Variants in CCDC172 observed in about 807,000 individuals in gnomAD.
CCDC172 encodes coiled-coil domain containing 172.
CCDC172 carries 30 observed loss-of-function variants against 38.0 expected under a neutral mutation model. The ratio of observed to expected loss-of-function variants is 0.79; its 90% CI spans 0.59 to 1.07. The LOEUF is 1.07. CCDC172 is among the 50% of genes least tolerant of loss of function. The probability of loss-of-function intolerance (pLI) is 0.00; values close to 1 mark genes in which losing one functional copy is unlikely to be tolerated. For missense variants in CCDC172, 297 were observed against 290.1 expected (o/e 1.02, Z -0.17); for synonymous variants, 78 against 88.3 (o/e 0.88, Z 0.66).
chr10:116,354,653 G>A (rs1390255624), intron 5 of CCDC172, among the ~76,000 whole-genome samples: 1 of 152,300 alleles, frequency 6.6e-6, no homozygotes, highest in Non-Finnish European at 1.5e-5. Flanking sequence ...TAACCCAGGA[G>A]GCGGAGGCGG....
intron 3 of CCDC172, among the ~76,000 whole-genome samples, chr10:116,333,939 G>A (rs944917766): frequency 2.0e-5 from 3 of 152,122 alleles, no homozygotes; most frequent in African/African-American, 4.8e-5. Context: ...AGAATTTCTC[G>A]TGTAGGCTTT....
In CCDC172 at chr10:116,367,839, C is replaced by T. The variant is rs185569872; in HGVS notation, c.653+9901C>T. ...CTTTCTTGTCTTCTTTCCCTTTCTC[C>T]TCTCTCTCTCCTTCTTATATCTAGG... On this transcript the variant is annotated intron_variant, in intron 7 of 8. Coordinates refer to ENST00000333254, the MANE Select transcript of CCDC172 (RefSeq NM_198515.3). Among the ~76,000 whole-genome samples the T allele has an allele frequency of 4.5e-3, 686 of 151,514 alleles. 4 individuals are homozygous for T. Among genetic ancestry groups the T allele is most frequent in the African/African-American group, 0.016 (651 of 41,248 alleles).
In CCDC172 at chr10:116,331,401, T is replaced by A. The variant is rs112436891; in HGVS notation, c.165+6013T>A. ...CATCTCTCCCTGTCTCTATGCTGTG[T>A]GATATGTACCACCTCTTGGCATATT... On this transcript the variant is annotated intron_variant, in intron 3 of 8. Transcript: ENST00000333254. Among the ~76,000 whole-genome samples the A allele has an allele frequency of 9.0e-3, 1,378 of 152,282 alleles. 12 individuals carry two copies. Among genetic ancestry groups the A allele is most frequent in the Admixed American group, 0.014 (209 of 15,290 alleles).
intron 7 of CCDC172, among the ~76,000 whole-genome samples, chr10:116,371,271 TA>T (rs1845182970): frequency 6.6e-6 from 1 of 151,900 alleles, no homozygotes. Context: ...TTTAATATTT[TA>T]AACACCCTTT....
intron 7 of CCDC172, among the ~76,000 whole-genome samples, chr10:116,374,852 C>T (rs1845226980): frequency 6.6e-6 from 1 of 150,952 alleles, no homozygotes; most frequent in Non-Finnish European, 1.5e-5. Context: ...TATATGGTTT[C>T]CACAAGAAAC....
At chr10:116,352,115 C>T (rs911253024) in intron 5 of CCDC172, among the ~76,000 whole-genome samples, 1 of 152,078 alleles carries the variant, frequency 6.6e-6, no homozygotes, top group Non-Finnish European at 1.5e-5. Context: ...CATCTTGTCA[C>T]AATAGAAATA....
intron 7 of CCDC172, among the ~76,000 whole-genome samples, chr10:116,364,092 A>G (rs190281076): frequency 2.0e-5 from 3 of 152,198 alleles, no homozygotes; most frequent in Non-Finnish European, 4.4e-5. Context: ...ATTAGAAAAC[A>G]TTAAATTAGT....
chr10:116,347,851 C>G (rs1381139045), intron 5 of CCDC172, among the ~76,000 whole-genome samples: 2 of 152,106 alleles, frequency 1.3e-5, no homozygotes, highest in Non-Finnish European at 2.9e-5. Flanking sequence ...TCTTCCCTCC[C>G]TCCCACTACA....
rs1372466741 is a variant in CCDC172 at position 116,357,855 on chromosome 10, T to C, written c.570T>C (p.Asn190=). 1 of 1,514,472 alleles carries C rather than the reference T, an allele frequency of 6.6e-7. No homozygotes were observed. The highest frequency in any genetic ancestry group is 9.0e-7 in the Non-Finnish European group (1 of 1,116,954). The allele number at this position is 1,514,472 out of a possible 1,614,324, so 93.8% of individuals were successfully genotyped here. A position where few individuals can be genotyped will look rare whatever the true frequency, so the allele number is the denominator to read the frequency against. The part of the protein sequence containing the change: ...RKLKVFEDEE[N]ESICTTKYLE... ...GTTTAGTTTTTGAAGATGAAGAGAA[T>C]GAATCCATTTGTACTACCAAATATC... The change falls in exon 7 of 9, where the codon AAT becomes AAC. Residue 190 remains asparagine (N), a synonymous_variant. Coordinates refer to ENST00000333254, the MANE Select transcript of CCDC172 (RefSeq NM_198515.3).
At chr10:116,368,843 T>C (rs12242629) in intron 7 of CCDC172, among the ~76,000 whole-genome samples, 17,647 of 152,006 alleles carry the variant, frequency 0.12, 1,587 homozygotes, top group African/African-American at 0.25. Context: ...AACTCAAATC[T>C]AAAATGACTG....
At chr10:116,332,013 C>T (rs1283482420) in intron 3 of CCDC172, among the ~76,000 whole-genome samples, 4 of 152,126 alleles carry the variant, frequency 2.6e-5, no homozygotes, top group Non-Finnish European at 5.9e-5. Flanking sequence ...ATCCATCTTT[C>T]GTAACTGGCA....
chr10:116,369,932 T>A, intron 7 of CCDC172, among the ~76,000 whole-genome samples: 1 of 151,990 alleles, frequency 6.6e-6, no homozygotes, highest in Admixed American at 6.6e-5. Context: ...TCATGTGTAG[T>A]ATATTTGCAA....
intron 5 of CCDC172, among the ~76,000 whole-genome samples, chr10:116,346,423 A>C (rs1327356969): frequency 6.6e-6 from 1 of 152,114 alleles, no homozygotes; most frequent in African/African-American, 2.4e-5. Flanking sequence ...TAATATGATG[A>C]TTAAAAGAAG....
chr10:116,335,823 C>A (rs1048351995), intron 3 of CCDC172, among the ~76,000 whole-genome samples: 8 of 151,960 alleles, frequency 5.3e-5, no homozygotes, highest in Non-Finnish European at 8.8e-5. Context: ...CTTTACTAAA[C>A]CCTTTTTTTT....
intron 1 of CCDC172, 120 bp from the exon 2 acceptor site, chr10:116,324,827 C>A: frequency 1.7e-6 from 1 of 602,786 alleles, no homozygotes; most frequent in Admixed American, 2.9e-5. Context: ...ACCCTCAGAC[C>A]CCTCAGACAC....
At chr10:116,355,538 C>T (rs188621179) in intron 5 of CCDC172, among the ~76,000 whole-genome samples, 25 of 152,066 alleles carry the variant, frequency 1.6e-4, no homozygotes, top group African/African-American at 5.1e-4. Context: ...TAGCATTATT[C>T]GTAGTAGCAA....
At chr10:116,333,354 C>A (rs1463073971) in intron 3 of CCDC172, among the ~76,000 whole-genome samples, 1 of 152,078 alleles carries the variant, frequency 6.6e-6, no homozygotes, top group African/African-American at 2.4e-5. Context: ...GATGTGAGTA[C>A]CCCCAGCCCA....
chr10:116,344,378 C>A (rs2134927787), intron 5 of CCDC172, among the ~76,000 whole-genome samples: 1 of 152,294 alleles, frequency 6.6e-6, no homozygotes, highest in Non-Finnish European at 1.5e-5. Context: ...CTCAATGTTA[C>A]TATACTGAAG....
chr10:116,347,956 C>T (rs1844887063), intron 5 of CCDC172, among the ~76,000 whole-genome samples: 2 of 152,066 alleles, frequency 1.3e-5, no homozygotes, highest in Non-Finnish European at 2.9e-5. Context: ...CTTAGCTGTG[C>T]ACTCTTAGTC....
Sources: allele counts gnomAD v4.1 joint callset (sites outside exome capture counted in the v4.1 genomes callset), GRCh38; gene constraint gnomAD v4.1.1; transcripts MANE v1.5; gene names NCBI Gene and HGNC (gene_info 2026-07-23, HGNC 2026-07-21).